The following GABBR2 variants were observed in gnomAD, a reference collection of about 807,000 sequenced individuals.
The protein encoded by GABBR2 is G-protein coupled receptor 51.
GABBR2 carries 23 observed loss-of-function variants against 105.6 expected under a neutral mutation model. The ratio of observed to expected loss-of-function variants is 0.22; its 90% CI spans 0.16 to 0.31. The LOEUF is 0.31. GABBR2 is among the 10% of genes least tolerant of loss of function. The pLI is 1.00. For synonymous variants in GABBR2, 478 were observed against 499.7 expected (o/e 0.96, Z 0.58); for missense variants, 734 against 1,245.5 (o/e 0.59, Z 6.18).
At chr9:98,698,748 T>A (rs1383995405) in intron 1 of GABBR2, among the ~76,000 whole-genome samples, 3 of 152,128 alleles carry the variant, frequency 2.0e-5, no homozygotes, top group African/African-American at 7.2e-5. Flanking sequence ...TCCACCCGCT[T>A]CGGCCTCCCA....
chr9:98,541,792 C>T (rs901400585), intron 3 of GABBR2, 81 bp downstream of exon 3: 1 of 1,314,514 alleles, frequency 7.6e-7, no homozygotes, highest in Non-Finnish European at 1.1e-6. Flanking sequence ...CAGTACCCAT[C>T]CCTGACTAAA....
At chr9:98,401,653 C>T (rs984885738) in intron 8 of GABBR2, among the ~76,000 whole-genome samples, 35 of 152,274 alleles carry the variant, frequency 2.3e-4, no homozygotes, top group African/African-American at 7.5e-4. Flanking sequence ...ATGGCCTTTC[C>T]AGACCCATGA....
intron 2 of GABBR2, among the ~76,000 whole-genome samples, chr9:98,558,356 T>C (rs1456329970): frequency 6.6e-6 from 1 of 152,228 alleles, no homozygotes; most frequent in Non-Finnish European, 1.5e-5. Flanking sequence ...TGATGGGGGC[T>C]ACTGAGAAGT....
chr9:98,509,402 A>G (rs180711178), intron 3 of GABBR2, among the ~76,000 whole-genome samples: 1 of 152,230 alleles, frequency 6.6e-6, no homozygotes, highest in East Asian at 1.9e-4. Flanking sequence ...CACCAGCAAC[A>G]GAACAAAGCT....
intron 7 of GABBR2, among the ~76,000 whole-genome samples, chr9:98,438,893 T>TTC (rs1012203122): frequency 1.3e-4 from 19 of 151,438 alleles, no homozygotes; most frequent in Non-Finnish European, 2.8e-4. Context: ...TCCCTCTCCC[T>TTC]TCTCTCTCTC....
chr9:98,320,241 T>C (rs1393871186), intron 13 of GABBR2, among the ~76,000 whole-genome samples: 2 of 151,844 alleles, frequency 1.3e-5, no homozygotes, highest in African/African-American at 2.4e-5. Context: ...TCACCATCAC[T>C]GGCCATCAGA....
Position 98,504,392 on chromosome 9 carries a change from C to T in GABBR2, c.631-7878G>A, listed in dbSNP as rs951804085. Among the ~76,000 whole-genome samples, 4 of 152,208 alleles carry T rather than the reference C, an allele frequency of 2.6e-5. No homozygotes were observed. In the East Asian group the frequency reaches 7.7e-4, roughly 29 times the overall value. ...CCAGAGATCTCAAGGCACTCAGCTTCTATGGCCAGTAGTTCCCCAGACAAC... is the reference window on the plus strand; with the variant it reads ...CCAGAGATCTCAAGGCACTCAGCTTTTATGGCCAGTAGTTCCCCAGACAAC... On this transcript the variant is annotated intron_variant, in intron 3 of 18. Coordinates refer to ENST00000259455, the MANE Select transcript of GABBR2 (RefSeq NM_005458.8).
intron 7 of GABBR2, among the ~76,000 whole-genome samples, chr9:98,419,107 G>C (rs562130721): frequency 6.6e-6 from 1 of 152,234 alleles, no homozygotes; most frequent in Admixed American, 6.5e-5. Context: ...CCGGGGGGGC[G>C]GTGGAGCAGG....
intron 2 of GABBR2, among the ~76,000 whole-genome samples, chr9:98,554,414 A>G (rs911657706): frequency 2.6e-5 from 4 of 152,184 alleles, no homozygotes; most frequent in Admixed American, 1.3e-4. Context: ...TTAAAAGAAA[A>G]AACAATAATA....
chr9:98,595,004 A>T (rs1205864862), intron 1 of GABBR2, among the ~76,000 whole-genome samples: 1 of 152,142 alleles, frequency 6.6e-6, no homozygotes, highest in East Asian at 1.9e-4. Context: ...GCCAGCGGGG[A>T]TGAGAGAGGG....
At chr9:98,525,659 T>C (rs1827942823) in intron 3 of GABBR2, among the ~76,000 whole-genome samples, 1 of 152,220 alleles carries the variant, frequency 6.6e-6, no homozygotes, top group South Asian at 2.1e-4. Flanking sequence ...GCAATTCCAC[T>C]TCTAGGTGTA....
intron 7 of GABBR2, among the ~76,000 whole-genome samples, chr9:98,406,409 CA>C (rs1240696669): frequency 1.3e-5 from 2 of 152,250 alleles, no homozygotes; most frequent in Non-Finnish European, 2.9e-5. Flanking sequence ...TCATGATCAC[CA>C]TGACTATTAA....
intron 7 of GABBR2, among the ~76,000 whole-genome samples, chr9:98,409,652 C>T (rs1337755143): frequency 6.6e-6 from 1 of 152,148 alleles, no homozygotes; most frequent in African/African-American, 2.4e-5. Flanking sequence ...TCAGGTTATG[C>T]CCCCTCCCTG....
At chr9:98,403,839 T>G (rs1260188933) in intron 8 of GABBR2, among the ~76,000 whole-genome samples, 1 of 151,698 alleles carries the variant, frequency 6.6e-6, no homozygotes. Context: ...TTTTCCCATA[T>G]TCCATGAAGG....
At chr9:98,578,133 G>A (rs1284136088) in intron 1 of GABBR2, 61 bp from the exon 2 acceptor site, 5 of 1,573,572 alleles carry the variant, frequency 3.2e-6, no homozygotes, top group Middle Eastern at 1.7e-4. Flanking sequence ...CCAGGGGCAT[G>A]AGCCCAACAA....
intron 3 of GABBR2, among the ~76,000 whole-genome samples, chr9:98,519,104 A>T (rs930134173): frequency 6.6e-6 from 1 of 152,212 alleles, no homozygotes; most frequent in Non-Finnish European, 1.5e-5. Context: ...GATTACTGTT[A>T]TTGCTGCGGC....
intron 7 of GABBR2, among the ~76,000 whole-genome samples, chr9:98,422,232 A>G (rs1439482952): frequency 6.6e-6 from 1 of 152,240 alleles, no homozygotes; most frequent in East Asian, 1.9e-4. Flanking sequence ...ATCATTAGAA[A>G]TTAGAGAAAA....
intron 4 of GABBR2, among the ~76,000 whole-genome samples, chr9:98,482,848 C>A (rs1407771465): frequency 6.6e-6 from 1 of 152,066 alleles, no homozygotes; most frequent in Admixed American, 6.5e-5. Flanking sequence ...CCCCTCGTGC[C>A]TGCCTGGCCA....
intron 16 of GABBR2, among the ~76,000 whole-genome samples, chr9:98,302,110 C>T (rs1830478617): frequency 1.3e-5 from 2 of 152,182 alleles, no homozygotes; most frequent in South Asian, 4.1e-4. Flanking sequence ...AACTGGGCAT[C>T]CCATATCTAA....
Sources: gnomAD v4.1 joint callset for allele counts (sites outside exome capture counted in the v4.1 genomes callset) on GRCh38, gnomAD v4.1.1 for gene constraint, MANE v1.5 for transcripts, NCBI Gene and HGNC (gene_info 2026-07-23, HGNC 2026-07-21) for gene names.